The following CRHR1 variants were observed in gnomAD, a reference collection of about 807,000 sequenced individuals.
CRHR1 encodes the protein corticotropin-releasing hormone receptor 1.
Under a neutral mutation model 56.0 loss-of-function variants are expected in CRHR1, and 28 were observed. The ratio of observed to expected loss-of-function variants is 0.50; its 90% CI spans 0.37 to 0.69. The LOEUF is 0.69. CRHR1 is among the 30% of genes least tolerant of loss of function. The pLI, the probability that CRHR1 is intolerant of heterozygous loss-of-function variation, is 0.00. For synonymous variants in CRHR1, 195 were observed against 216.5 expected, an observed-to-expected ratio of 0.90 and a Z score of 0.87; for missense variants, 376 against 548.0, an observed-to-expected ratio of 0.69 and a Z score of 3.13.
intron 1 of CRHR1, among the ~76,000 whole-genome samples, chr17:45,788,617 T>A (rs2061375543): frequency 6.6e-6 from 1 of 152,324 alleles, no homozygotes; most frequent in South Asian, 2.1e-4. Flanking sequence ...ACATGGAAAG[T>A]GCCTGGAACA....
intron 11 of CRHR1, 26 bp downstream of exon 11, chr17:45,833,875 C>T (rs1353708209): frequency 1.9e-6 from 3 of 1,612,570 alleles, no homozygotes; most frequent in Non-Finnish European, 1.7e-6. Context: ...GACACATCAG[C>T]ACCTCCTTGG....
chr17:45,824,134 G>T (rs2062105867), intron 4 of CRHR1, among the ~76,000 whole-genome samples: 1 of 152,248 alleles, frequency 6.6e-6, no homozygotes, highest in Non-Finnish European at 1.5e-5. Context: ...TGGGCCAGAG[G>T]AGATGGCCTT....
chr17:45,803,304 T>C (rs958609937), intron 1 of CRHR1, among the ~76,000 whole-genome samples: 2 of 152,170 alleles, frequency 1.3e-5, no homozygotes, highest in African/African-American at 2.4e-5. Flanking sequence ...AAGGATTAGA[T>C]GGATAAGTGG....
intron 1 of CRHR1, among the ~76,000 whole-genome samples, chr17:45,805,305 G>A (rs1048669325): frequency 2.6e-5 from 4 of 151,822 alleles, no homozygotes; most frequent in Non-Finnish European, 4.4e-5. Context: ...TAAGATTTTC[G>A]ATGCTCCCTT....
chr17:45,799,288 T>A (rs749961909), intron 1 of CRHR1: 1 of 152,262 alleles, frequency 6.6e-6, no homozygotes, highest in Non-Finnish European at 1.5e-5. Context: ...GGGCCTGCCC[T>A]GCTCTTGTAT....
chr17:45,808,350 C>A (rs1481239248), intron 2 of CRHR1, among the ~76,000 whole-genome samples: 1 of 152,144 alleles, frequency 6.6e-6, no homozygotes, highest in Non-Finnish European at 1.5e-5. Context: ...CTAGGGAGAG[C>A]CTGGGGGCAG....
At position 45,830,153 on chromosome 17, in the gene CRHR1, G is replaced by A. The variant is rs142237811; in HGVS notation, c.494G>A (p.Arg165His). The A allele has an allele frequency of 9.3e-6, 15 of 1,614,096 alleles. No homozygotes were observed. In the African/African-American group the frequency reaches 1.1e-4, roughly 11 times the overall value. The change falls in exon 6 of 13, where the codon CGC becomes CAC. Residue 165 changes from arginine to histidine, a missense_variant. Arg to His is a conservative substitution (Grantham distance 29). Around this residue, in one of 2 missense-constraint regions of CRHR1, gnomAD observed 369 missense variants for 519.5 expected, o/e 0.71. Coordinates refer to ENST00000314537, the MANE Select transcript of CRHR1 (RefSeq NM_004382.5). ...HWNLISAFILRNATWFVVQLT... is the reference protein window; with the variant it reads ...HWNLISAFILHNATWFVVQLT... ...AACCTCATCTCCGCCTTCATCCTGC[G>A]CAACGCCACCTGGTTCGTGGTCCAG...
At chr17:45,834,256 C>T (rs1598455371) in intron 12 of CRHR1, among the ~76,000 whole-genome samples, 1 of 152,244 alleles carries the variant, frequency 6.6e-6, no homozygotes, top group East Asian at 1.9e-4. Flanking sequence ...CTCTCAGAGG[C>T]CGCTGGCACC....
intron 1 of CRHR1, chr17:45,800,784 G>C (rs1371817045): frequency 6.6e-6 from 1 of 152,178 alleles, no homozygotes; most frequent in African/African-American, 2.4e-5. Context: ...CTGAGCATCA[G>C]TGCTAGCTGT....
chr17:45,796,988 A>G (rs1377046659), intron 1 of CRHR1, among the ~76,000 whole-genome samples: 1 of 152,238 alleles, frequency 6.6e-6, no homozygotes, highest in African/African-American at 2.4e-5. Flanking sequence ...TGAAGGGAAG[A>G]CAAGGAGGAT....
Position 45,784,486 on chromosome 17 carries a change from TC to T in CRHR1, c.-56del. ...GCCCGAGCCCGCAGCCGCCCGCCGG[TC>T]CCTCTGGGATGTCCGTAGGACCCGG... is the stretch of plus-strand genomic sequence containing the variant. On this transcript the variant is annotated 5_prime_UTR_variant, in exon 1 of 13. Coordinates refer to ENST00000314537, the MANE Select transcript of CRHR1 (RefSeq NM_004382.5). This position sits in a 1 kb window ranked among gnomAD's most constrained non-coding sequence, Gnocchi z 4.2. 1 of 1,461,110 alleles carries T rather than the reference TC, an allele frequency of 6.8e-7. No homozygotes were observed. The highest frequency in any genetic ancestry group is 9.1e-7 in the Non-Finnish European group (1 of 1,098,078). 90.5% of individuals were successfully genotyped at this position (1,461,110 alleles called of 1,614,324 possible).
At chr17:45,829,356 C>A in intron 5 of CRHR1, 35 bp downstream of exon 5, 1 of 1,575,408 alleles carries the variant, frequency 6.3e-7, no homozygotes, top group Non-Finnish European at 8.7e-7. Flanking sequence ...CTCCTGTCCC[C>A]AGGACCTAGA....
intron 1 of CRHR1, among the ~76,000 whole-genome samples, chr17:45,795,918 C>T (rs62057097): frequency 0.091 from 13,834 of 152,280 alleles, 779 homozygotes; most frequent in Middle Eastern, 0.13. Context: ...CAGCAGCCCT[C>T]TTTAAACTGA....
At chr17:45,809,296 A>G (rs1297296877) in intron 2 of CRHR1, among the ~76,000 whole-genome samples, 1 of 152,172 alleles carries the variant, frequency 6.6e-6, no homozygotes, top group African/African-American at 2.4e-5. Flanking sequence ...GTTCTTGAGC[A>G]TGAGTCTGGA....
intron 1 of CRHR1, among the ~76,000 whole-genome samples, chr17:45,796,069 A>T (rs369045707): frequency 4.6e-5 from 7 of 152,336 alleles, no homozygotes; most frequent in African/African-American, 1.7e-4. Context: ...TTTAAAACGC[A>T]GCTCCATAAA....
At chr17:45,822,533 C>T (rs1057042539) in intron 4 of CRHR1, among the ~76,000 whole-genome samples, 17 of 152,314 alleles carry the variant, frequency 1.1e-4, no homozygotes, top group East Asian at 1.9e-4. Flanking sequence ...AGAATCCCGT[C>T]GCCTAAAGAT....
At chr17:45,785,422 C>G (rs912987796) in intron 1 of CRHR1, among the ~76,000 whole-genome samples, 1 of 152,262 alleles carries the variant, frequency 6.6e-6, no homozygotes, top group African/African-American at 2.4e-5. Context: ...CTTTCCAGAG[C>G]GTTTTGGTTT....
intron 12 of CRHR1, 116 bp from the exon 13 acceptor site, chr17:45,834,508 A>G (rs1375724483): frequency 2.5e-6 from 3 of 1,220,242 alleles, no homozygotes; most frequent in African/African-American, 3.0e-5. Flanking sequence ...GAGGACTTCC[A>G]TGTACTCAGC....
At chr17:45,806,118 G>A (rs1256951224) in intron 1 of CRHR1, among the ~76,000 whole-genome samples, 2 of 152,188 alleles carry the variant, frequency 1.3e-5, no homozygotes, top group Non-Finnish European at 2.9e-5. Flanking sequence ...GTAACGGGGG[G>A]CTAGACACTC....
Sources: gnomAD v4.1 joint callset for allele counts (sites outside exome capture counted in the v4.1 genomes callset) on GRCh38, gnomAD v4.1.1 for gene constraint, gnomAD v4.1.1 regional missense constraint, Gnocchi (gnomAD v3.1) non-coding constraint, MANE v1.5 for transcripts, NCBI Gene and HGNC (gene_info 2026-07-23, HGNC 2026-07-21) for gene names.